Variants in ZBTB20 observed in about 807,000 individuals in gnomAD.
ZBTB20 encodes zinc finger and BTB domain containing 20.
In ZBTB20, 9 loss-of-function variants were observed where a neutral mutation model predicts 56.9. That is an observed-to-expected ratio of 0.16 (90% confidence interval 0.10 to 0.28). ZBTB20 has a LOEUF of 0.28. ZBTB20 is among the 10% of genes least tolerant of loss of function. The pLI, the probability that ZBTB20 is intolerant of heterozygous loss-of-function variation, is 1.00. For synonymous variants in ZBTB20, 417 were observed against 420.7 expected (o/e 0.99, Z 0.11); for missense variants, 655 against 1,003.0 (o/e 0.65, Z 4.69).
intron 6 of ZBTB20, among the ~76,000 whole-genome samples, chr3:114,605,817 G>C (rs764315210): frequency 1.3e-5 from 2 of 151,928 alleles, no homozygotes; most frequent in Non-Finnish European, 2.9e-5. Context: ...AGGGATTCTA[G>C]GTATAGGTAA....
chr3:114,991,825 T>C (rs2078824425), intron 2 of ZBTB20, among the ~76,000 whole-genome samples: 1 of 152,172 alleles, frequency 6.6e-6, no homozygotes, highest in South Asian at 2.1e-4. Flanking sequence ...TAGTTAGCTC[T>C]TCTTTTTGAA....
chr3:114,410,648 A>C (rs1327193639), intron 7 of ZBTB20, among the ~76,000 whole-genome samples: 3 of 152,220 alleles, frequency 2.0e-5, no homozygotes, highest in Admixed American at 2.0e-4. Context: ...GCAAGTGACC[A>C]CAGTAAAAGA....
chr3:115,032,110 G>A (rs1366772560), intron 2 of ZBTB20, among the ~76,000 whole-genome samples: 1 of 151,334 alleles, frequency 6.6e-6, no homozygotes, highest in East Asian at 1.9e-4. Context: ...TTTATCTGGT[G>A]GTCCTAATCC....
chr3:114,835,723 G>C (rs1319779736), intron 4 of ZBTB20, among the ~76,000 whole-genome samples: 2 of 152,078 alleles, frequency 1.3e-5, no homozygotes, highest in African/African-American at 4.8e-5. Flanking sequence ...ATATTTGGTA[G>C]TCCATAGATA....
chr3:114,625,244 C>T (rs2058591421), intron 6 of ZBTB20, among the ~76,000 whole-genome samples: 1 of 152,044 alleles, frequency 6.6e-6, no homozygotes, highest in Non-Finnish European at 1.5e-5. Flanking sequence ...AAAAAGCTGC[C>T]TACCAAACAT....
At position 114,716,813 on chromosome 3, in the gene ZBTB20, G is replaced by A. The variant is rs139970627; in HGVS notation, c.-342-23238C>T. On this transcript the variant is annotated intron_variant, in intron 5 of 11. Transcript: ENST00000675478. ...TTTCAACCCTTATGCACTTGGTTCT[G>A]TATTATGAAGAAATGAAAATATTTA... 1.9e-3 allele frequency among the ~76,000 whole-genome samples: 296 copies of A among 152,164 alleles called. 2 individuals carry two copies. The highest frequency in any genetic ancestry group is 6.7e-3 in the African/African-American group (278 of 41,522).
At chr3:115,124,121 A>G (rs1484244287) in intron 1 of ZBTB20, among the ~76,000 whole-genome samples, 1 of 152,236 alleles carries the variant, frequency 6.6e-6, no homozygotes, top group Admixed American at 6.5e-5. Context: ...AATGGTATTA[A>G]TAATACCTGA....
intron 7 of ZBTB20, among the ~76,000 whole-genome samples, chr3:114,490,473 G>C (rs902932261): frequency 6.6e-6 from 1 of 151,866 alleles, no homozygotes; most frequent in African/African-American, 2.4e-5. Flanking sequence ...TGCCTGCCTC[G>C]GCCTCCCAAA....
At chr3:114,947,413 C>T (rs2076920990) in intron 3 of ZBTB20, among the ~76,000 whole-genome samples, 1 of 146,112 alleles carries the variant, frequency 6.8e-6, no homozygotes, top group Admixed American at 6.6e-5. Context: ...ACTTAAATGT[C>T]CATCAATGGA....
At chr3:114,360,065 T>C (rs1390698964) in intron 10 of ZBTB20, among the ~76,000 whole-genome samples, 1 of 151,862 alleles carries the variant, frequency 6.6e-6, no homozygotes, top group African/African-American at 2.4e-5. Flanking sequence ...AACTTTTCTC[T>C]GGACTTAAAC....
rs925420730 is a variant in ZBTB20, at chr3:114,550,086, C to T, written c.-294-49695G>A. 8.6e-5 allele frequency among the ~76,000 whole-genome samples: 13 copies of T among 151,686 alleles called. 1 individual carries two copies. Among genetic ancestry groups the T allele is most frequent in the Admixed American group, 2.0e-4 (3 of 15,220 alleles). On this transcript the variant is annotated intron_variant, in intron 6 of 11. Coordinates refer to ENST00000675478, the MANE Select transcript of ZBTB20 (RefSeq NM_001348800.3). ...CTGAGCAGCTGGGACTACAGGTGCC[C>T]GCCACCATGCCTAGCTAATTTTTTT...
chr3:114,681,034 G>A (rs986782992), intron 6 of ZBTB20, among the ~76,000 whole-genome samples: 8 of 152,102 alleles, frequency 5.3e-5, no homozygotes, highest in African/African-American at 1.7e-4. Flanking sequence ...CATTTACAAA[G>A]CTATTTCTTG....
intron 3 of ZBTB20, among the ~76,000 whole-genome samples, chr3:114,913,701 T>C (rs1375636443): frequency 2.0e-5 from 3 of 151,886 alleles, no homozygotes; most frequent in Non-Finnish European, 2.9e-5. Flanking sequence ...TTTTCAGTAG[T>C]GTCATAGTTT....
chr3:115,035,106 C>T (rs549697647), intron 2 of ZBTB20, among the ~76,000 whole-genome samples: 1 of 151,918 alleles, frequency 6.6e-6, no homozygotes, highest in Admixed American at 6.6e-5. Context: ...AGATCTAAAA[C>T]TATAAAACTC....
chr3:114,883,916 C>CTTTTTTT (rs869141975), intron 4 of ZBTB20, among the ~76,000 whole-genome samples: 4 of 89,766 alleles, frequency 4.5e-5, no homozygotes, highest in South Asian at 3.9e-4. Context: ...ATGGTGTGTT[C>CTTTTTTT]TTTTTTTTTT....
intron 10 of ZBTB20, among the ~76,000 whole-genome samples, chr3:114,377,942 C>A (rs1263463729): frequency 6.6e-6 from 1 of 152,158 alleles, no homozygotes; most frequent in African/African-American, 2.4e-5. Context: ...GAACAACACA[C>A]ACTGGTGGAA....
chr3:114,381,889 C>T lies in ZBTB20; in HGVS notation c.-153-949G>A, dbSNP rs767120134. Among the ~76,000 whole-genome samples, 13 of 152,278 alleles carry T rather than the reference C, an allele frequency of 8.5e-5. No homozygotes were observed. The East Asian group carries it at 9.6e-4, about 11-fold the overall frequency. ...TTTTTCAGTATGGAGGAAGCCAATA[C>T]AAGAGAAGCAACAAATTATAAGACC... On this transcript the variant is annotated intron_variant, in intron 8 of 11. Transcript: ENST00000675478.
At chr3:114,997,871 T>C (rs1207072050) in intron 2 of ZBTB20, among the ~76,000 whole-genome samples, 1 of 151,184 alleles carries the variant, frequency 6.6e-6, no homozygotes, top group Non-Finnish European at 1.5e-5. Flanking sequence ...GTCTACTTTT[T>C]TTTGACTAGA....
At chr3:114,563,005 C>T (rs1053122450) in intron 6 of ZBTB20, among the ~76,000 whole-genome samples, 1 of 152,080 alleles carries the variant, frequency 6.6e-6, no homozygotes, top group Admixed American at 6.6e-5. Context: ...AAATGTGACA[C>T]AGAGACATGA....
Sources: gnomAD v4.1 joint callset for allele counts (sites outside exome capture counted in the v4.1 genomes callset) on GRCh38, gnomAD v4.1.1 for gene constraint, MANE v1.5 for transcripts, NCBI Gene and HGNC (gene_info 2026-07-23, HGNC 2026-07-21) for gene names.